The following FAXDC2 variants were observed in gnomAD, a reference collection of about 807,000 sequenced individuals.
FAXDC2 encodes the protein fatty acid hydroxylase domain-containing protein 2.
A neutral mutation model predicts 40.9 loss-of-function variants in FAXDC2; 41 were observed. That is an observed-to-expected ratio of 1.00 (90% CI 0.78 to 1.30). FAXDC2 has a LOEUF of 1.30. FAXDC2 is among the 50% of genes most tolerant of loss of function. The probability of loss-of-function intolerance (pLI) is 0.00; values close to 1 mark genes in which losing one functional copy is unlikely to be tolerated. For missense variants in FAXDC2, 390 were observed against 408.8 expected, an observed-to-expected ratio of 0.95 and a Z score of 0.40; for synonymous variants, 157 against 149.3, an observed-to-expected ratio of 1.05 and a Z score of -0.38.
intron 5 of FAXDC2, 138 bp downstream of exon 5, chr5:154,830,660 CCTT>C (rs1760164820): frequency 2.3e-5 from 21 of 918,906 alleles, no homozygotes; most frequent in Non-Finnish European, 3.3e-5. Flanking sequence ...CTCTCTTTAA[CCTT>C]CTAAACTGGG....
chr5:154,847,883 A>C (rs1760637805), intron 1 of FAXDC2, among the ~76,000 whole-genome samples: 3 of 150,792 alleles, frequency 2.0e-5, no homozygotes, highest in Admixed American at 1.3e-4. Context: ...TCTGTCACCC[A>C]GGCTGGAGTG....
In FAXDC2 at chr5:154,823,294, G is replaced by A. The variant is rs564003856; in HGVS notation, c.572+93C>T. On this transcript the variant is annotated intron_variant, in intron 6 of 8. Transcript: ENST00000326080. ...CTCCCAAATTGCCAGGATTACAAGC[G>A]TGAGTCACTGCACCTGGCCTCAGTT... The A allele has an allele frequency of 2.8e-5, 33 of 1,178,228 alleles. No individual in the cohort carries two copies. In the African/African-American group the frequency reaches 2.9e-4, roughly 10 times the overall value. The allele number at this position is 1,178,228 out of a possible 1,614,324, so 73.0% of individuals were successfully genotyped here. A position where few individuals can be genotyped will look rare whatever the true frequency, so the allele number is the denominator to read the frequency against.
chr5:154,836,458 G>C (rs1266481666), intron 2 of FAXDC2: 1 of 152,156 alleles, frequency 6.6e-6, no homozygotes, highest in Non-Finnish European at 1.5e-5. Flanking sequence ...CGACAGACAG[G>C]AATTACAGAT....
In FAXDC2 at chr5:154,822,484, A is replaced by G. The variant is rs1371300913; in HGVS notation, c.666T>C (p.Pro222=). ...GAGCTCTACTCACTGCATGCTCTAT[A>G]GGGTGGGCATAGAGAGAGATCACGC... The part of the protein sequence containing the change: ...PIGVISLYAH[P]IEHAVSNMLP... The change falls in exon 7 of 9, where the codon CCT becomes CCC. Residue 222 remains proline (P), a synonymous_variant. Coordinates refer to ENST00000326080, the MANE Select transcript of FAXDC2 (RefSeq NM_032385.5). The G allele has an allele frequency of 1.9e-6, 3 of 1,610,678 alleles. No individual in the cohort carries two copies. In the East Asian group the frequency reaches 6.7e-5, roughly 36 times the overall value.
At chr5:154,831,044 CT>C in intron 4 of FAXDC2, 122 bp from the exon 5 acceptor site, 1 of 1,279,764 alleles carries the variant, frequency 7.8e-7, no homozygotes, top group Non-Finnish European at 1.1e-6. Context: ...CCAGGGAGGT[CT>C]TAGGGCTTGG....
At chr5:154,838,106 T>A in intron 2 of FAXDC2, 25 bp downstream of exon 2, 1 of 1,512,208 alleles carries the variant, frequency 6.6e-7, no homozygotes, top group Non-Finnish European at 9.2e-7. Flanking sequence ...TCTCACCAGT[T>A]TGGGGGCAAG....
Position 154,842,839 on chromosome 5 carries a change from T to TAAA in FAXDC2, c.1-4664_1-4662dup, listed in dbSNP as rs368265291. 5.3e-3 allele frequency among the ~76,000 whole-genome samples: 798 copies of TAAA among 149,666 alleles called. 11 individuals carry two copies. The highest frequency in any genetic ancestry group is 0.021 in the Admixed American group (311 of 14,910). On this transcript the variant is annotated intron_variant, in intron 1 of 8. Coordinates refer to ENST00000326080, the MANE Select transcript of FAXDC2 (RefSeq NM_032385.5). ...GCCACTGCACCCGGCCCTTTTTTTT[T>TAAA]AAAAAAAAATAGAGATATAGGGTCT...
chr5:154,836,881 G>T (rs1011871147), intron 2 of FAXDC2, among the ~76,000 whole-genome samples: 1 of 152,116 alleles, frequency 6.6e-6, no homozygotes, highest in African/African-American at 2.4e-5. Flanking sequence ...CGCCATGTTG[G>T]CAAGGCTGGT....
chr5:154,848,736 G>T (rs1401324545), intron 1 of FAXDC2, among the ~76,000 whole-genome samples: 1 of 152,212 alleles, frequency 6.6e-6, no homozygotes, highest in Non-Finnish European at 1.5e-5. Flanking sequence ...GGAGGCCGAG[G>T]TGGGCAGATC....
chr5:154,823,365 G>A, intron 6 of FAXDC2, 22 bp downstream of exon 6: 3 of 1,609,328 alleles, frequency 1.9e-6, no homozygotes, highest in Non-Finnish European at 2.5e-6. Flanking sequence ...AGCCAGCTGT[G>A]CCTCAGGCAG....
At chr5:154,845,105 A>C (rs1760569667) in intron 1 of FAXDC2, among the ~76,000 whole-genome samples, 1 of 152,206 alleles carries the variant, frequency 6.6e-6, no homozygotes, top group African/African-American at 2.4e-5. Flanking sequence ...GGCCATATGC[A>C]ATTTCCAGAG....
rs777098902 is a variant in FAXDC2 at position 154,822,697 on chromosome 5, C to G, written c.573-120G>C. 12 of 716,076 alleles carry G rather than the reference C, an allele frequency of 1.7e-5. No individual in the cohort carries two copies. The Admixed American group carries it at 2.1e-4, about 12-fold the overall frequency. The allele number at this position is 716,076 out of a possible 1,614,324, so 44.4% of individuals were successfully genotyped here. On this transcript the variant is annotated intron_variant, in intron 6 of 8. Transcript: ENST00000326080. ...ATCCATGGAGCAAAGTTAACAACAC[C>G]AAGACCTGCCTTCAAATTTCAACCC... is the stretch of plus-strand genomic sequence containing the variant.
At chr5:154,836,828 C>A (rs1282367289) in intron 2 of FAXDC2, among the ~76,000 whole-genome samples, 1 of 152,048 alleles carries the variant, frequency 6.6e-6, no homozygotes, top group Non-Finnish European at 1.5e-5. Context: ...GTGCCTGCCA[C>A]CAAGCCCGGC....
At chr5:154,823,734 G>T in intron 5 of FAXDC2, 142 bp from the exon 6 acceptor site, 1 of 661,102 alleles carries the variant, frequency 1.5e-6, no homozygotes, top group Non-Finnish European at 2.6e-6. Context: ...CTGCCACCCA[G>T]CTCTGGGCCT....
At chr5:154,850,162 G>A (rs1760694922) in intron 1 of FAXDC2, among the ~76,000 whole-genome samples, 1 of 152,198 alleles carries the variant, frequency 6.6e-6, no homozygotes, top group Non-Finnish European at 1.5e-5. Context: ...TGGTTTTAAA[G>A]TCAAACAATT....
chr5:154,825,215 T>A (rs1218108215), intron 5 of FAXDC2, among the ~76,000 whole-genome samples: 5 of 150,294 alleles, frequency 3.3e-5, no homozygotes, highest in African/African-American at 9.8e-5. Context: ...ATACAAAAAC[T>A]TAGCTAGGCG....
chr5:154,835,619 C>T (rs762897398), intron 2 of FAXDC2, among the ~76,000 whole-genome samples: 16 of 152,072 alleles, frequency 1.1e-4, no homozygotes, highest in Non-Finnish European at 1.8e-4. Flanking sequence ...CTCGCTCTGT[C>T]GCCCAGGCTG....
chr5:154,820,058 G>T lies in FAXDC2; in HGVS notation c.*258C>A. 1 of 368,158 alleles carries T rather than the reference G, an allele frequency of 2.7e-6. No individual in the cohort carries two copies. The highest frequency in any genetic ancestry group is 5.2e-6 in the Non-Finnish European group (1 of 190,560). 22.8% of individuals were successfully genotyped at this position (368,158 alleles called of 1,614,324 possible). A position where few individuals can be genotyped will look rare whatever the true frequency, so the allele number is the denominator to read the frequency against. On this transcript the variant is annotated 3_prime_UTR_variant, in exon 9 of 9. Transcript: ENST00000326080. The stretch of plus-strand genomic sequence containing the variant: ...AGAGGACCAGGGGTCTCCTCCCTCT[G>T]ACCAGCCTCCAGTCTGGGGAGCTGT...
intron 7 of FAXDC2, 73 bp from the exon 8 acceptor site, chr5:154,821,499 C>T: frequency 1.6e-6 from 2 of 1,257,184 alleles, no homozygotes; most frequent in South Asian, 1.5e-5. Flanking sequence ...CACTTAGTCC[C>T]AAGGTGGTAC....
Sources: allele counts gnomAD v4.1 joint callset (sites outside exome capture counted in the v4.1 genomes callset), GRCh38; gene constraint gnomAD v4.1.1; transcripts MANE v1.5; gene names NCBI Gene and HGNC (gene_info 2026-07-23, HGNC 2026-07-21).